ROBO2: variants seen among roughly 807,000 people sequenced by gnomAD.
ROBO2 encodes the protein roundabout homolog 2.
Under a neutral mutation model 160.8 loss-of-function variants are expected in ROBO2, and 53 were observed. The observed-to-expected ratio is 0.33, with a 90% CI of 0.26 to 0.41. The LOEUF (loss-of-function observed/expected upper bound fraction) is 0.41. Ranked by LOEUF, ROBO2 falls within the 10% of genes least tolerant of loss-of-function variation. The pLI is 1.00. For missense variants in ROBO2, 1,577 were observed against 1,722.4 expected (o/e 0.92, Z 1.49); for synonymous variants, 664 against 611.7 (o/e 1.09, Z -1.26).
At chr3:76,724,996 T>C (rs1266000642) in intron 2 of ROBO2, among the ~76,000 whole-genome samples, 1 of 152,096 alleles carries the variant, frequency 6.6e-6, no homozygotes, top group African/African-American at 2.4e-5. Flanking sequence ...GCAAGCAGCA[T>C]GTTTTTCCCT....
intron 2 of ROBO2, among the ~76,000 whole-genome samples, chr3:77,176,954 G>A (rs1272448624): frequency 6.6e-6 from 1 of 151,826 alleles, no homozygotes; most frequent in Non-Finnish European, 1.5e-5. Context: ...TATTTACAAA[G>A]CATGTCTTCA....
intron 2 of ROBO2, among the ~76,000 whole-genome samples, chr3:76,902,629 T>G (rs1460756536): frequency 6.6e-6 from 1 of 152,118 alleles, no homozygotes; most frequent in African/African-American, 2.4e-5. Flanking sequence ...CTTGTTAGAT[T>G]AATTCCATAG....
intron 2 of ROBO2, among the ~76,000 whole-genome samples, chr3:76,305,106 A>G (rs1197555044): frequency 6.6e-6 from 1 of 152,062 alleles, no homozygotes; most frequent in African/African-American, 2.4e-5. Flanking sequence ...AGCTTCAGTC[A>G]AGAAAAGCAT....
chr3:77,531,112 A>G (rs1306497459), intron 6 of ROBO2, among the ~76,000 whole-genome samples: 3 of 151,998 alleles, frequency 2.0e-5, no homozygotes, highest in Admixed American at 6.6e-5. Context: ...CTTGTATACC[A>G]TATGCTAGAT....
At chr3:76,191,732 T>A (rs1878208) in intron 2 of ROBO2, among the ~76,000 whole-genome samples, 113,368 of 151,694 alleles carry the variant, frequency 0.75, 44,101 homozygotes, top group Non-Finnish European at 0.87. Context: ...TGATTTTTTT[T>A]AAAAAAGAAG....
chr3:77,333,588 T>C (rs1378382029), intron 2 of ROBO2, among the ~76,000 whole-genome samples: 1 of 152,210 alleles, frequency 6.6e-6, no homozygotes, highest in African/African-American at 2.4e-5. Context: ...ATGTGACTCA[T>C]GAAAGCAAAC....
chr3:76,419,914 G>C lies in ROBO2; in HGVS notation c.109+482312G>C, dbSNP rs77812139. On this transcript the variant is annotated intron_variant, in intron 2 of 26. Transcript: ENST00000487694. ...TAGTGATATATCAGTAGGTGGAAAG[G>C]CCATTCCATTTGGAATAAAAAATAC... Among the ~76,000 whole-genome samples the C allele has an allele frequency of 2.5e-4, 38 of 152,226 alleles. No individual in the cohort carries two copies. The East Asian group carries it at 3.3e-3, about 13-fold the overall frequency.
chr3:76,585,508 G>T (rs2085976967), intron 2 of ROBO2, among the ~76,000 whole-genome samples: 1 of 152,150 alleles, frequency 6.6e-6, no homozygotes, highest in African/African-American at 2.4e-5. Context: ...GATGCAATAG[G>T]TCTAGGATGG....
chr3:77,263,480 C>T (rs2058911353), intron 2 of ROBO2, among the ~76,000 whole-genome samples: 1 of 152,122 alleles, frequency 6.6e-6, no homozygotes, highest in Non-Finnish European at 1.5e-5. Flanking sequence ...CATTTAGCTC[C>T]CACTTAGGAG....
chr3:77,103,011 A>G (rs570682375), intron 2 of ROBO2, among the ~76,000 whole-genome samples: 44 of 152,330 alleles, frequency 2.9e-4, no homozygotes, highest in African/African-American at 1.0e-3. Flanking sequence ...TAGTTTTCCA[A>G]TGGGACCACC....
intron 2 of ROBO2, among the ~76,000 whole-genome samples, chr3:76,004,330 A>T (rs1024723422): frequency 3.9e-5 from 6 of 152,126 alleles, no homozygotes; most frequent in Admixed American, 1.3e-4. Context: ...AATAGCCAAA[A>T]CTGTAGCCAC....
intron 1 of ROBO2, among the ~76,000 whole-genome samples, chr3:75,936,016 C>T (rs1331493930): frequency 6.6e-6 from 1 of 152,142 alleles, no homozygotes; most frequent in African/African-American, 2.4e-5. Context: ...GAATGTAAGG[C>T]ATTTAGCACA....
intron 24 of ROBO2, among the ~76,000 whole-genome samples, chr3:77,639,832 C>T (rs1583457720): frequency 3.9e-5 from 6 of 152,054 alleles, no homozygotes; most frequent in Admixed American, 3.9e-4. Context: ...AAAAGTCATT[C>T]TATTCTAGCT....
At position 76,929,797 on chromosome 3, in the gene ROBO2, C is replaced by T. The variant is rs193010772; in HGVS notation, c.110-168217C>T. 3.9e-5 allele frequency among the ~76,000 whole-genome samples: 6 copies of T among 152,124 alleles called. No homozygotes were observed. The East Asian group carries it at 1.2e-3, about 30-fold the overall frequency. ...AAGAGACTCCACTGTGTGTGGATCTCAGAGAAGAAGAGACTCCAATGTCTG... is the reference window on the plus strand; with the variant it reads ...AAGAGACTCCACTGTGTGTGGATCTTAGAGAAGAAGAGACTCCAATGTCTG... On this transcript the variant is annotated intron_variant, in intron 2 of 26. Transcript: ENST00000487694.
At chr3:77,319,487 T>C (rs574889212) in intron 2 of ROBO2, among the ~76,000 whole-genome samples, 5 of 152,298 alleles carry the variant, frequency 3.3e-5, no homozygotes, top group African/African-American at 9.6e-5. Context: ...ATTGAATATC[T>C]AAGTAGTCTA....
intron 2 of ROBO2, among the ~76,000 whole-genome samples, chr3:77,472,275 G>A (rs1201172746): frequency 6.6e-6 from 1 of 152,070 alleles, no homozygotes. Flanking sequence ...ATAACAGAAG[G>A]GAGTGACCAT....
chr3:77,497,368 A>G (rs2086932716), intron 5 of ROBO2, among the ~76,000 whole-genome samples: 2 of 152,122 alleles, frequency 1.3e-5, no homozygotes, highest in Non-Finnish European at 2.9e-5. Context: ...ATGATTTTTG[A>G]AGCACATTTT....
intron 2 of ROBO2, among the ~76,000 whole-genome samples, chr3:77,143,996 G>C (rs1419939071): frequency 1.3e-5 from 2 of 152,030 alleles, no homozygotes; most frequent in Non-Finnish European, 2.9e-5. Flanking sequence ...AGTTATGTCA[G>C]GTTAAATTAA....
intron 2 of ROBO2, among the ~76,000 whole-genome samples, chr3:77,319,184 G>A (rs527370623): frequency 4.6e-5 from 7 of 152,224 alleles, no homozygotes; most frequent in Admixed American, 3.3e-4. Flanking sequence ...CCAGGTGTTC[G>A]GAAGTTCATT....
Sources: allele counts gnomAD v4.1 joint callset (sites outside exome capture counted in the v4.1 genomes callset), GRCh38; gene constraint gnomAD v4.1.1; transcripts MANE v1.5; gene names NCBI Gene and HGNC (gene_info 2026-07-23, HGNC 2026-07-21).